ASIC2: variants seen among roughly 807,000 people sequenced by gnomAD.
The protein encoded by ASIC2 is acid sensing ion channel subunit 2, also known as acid-sensing ion channel 2.
In ASIC2, 25 loss-of-function variants were observed where a neutral mutation model predicts 57.3. That is an observed-to-expected ratio of 0.44 (90% CI 0.32 to 0.61). ASIC2 has a LOEUF of 0.61. ASIC2 is among the 20% of genes least tolerant of loss of function. The pLI is 0.06. For missense variants in ASIC2, 641 were observed against 738.1 expected, an observed-to-expected ratio of 0.87 and a Z score of 1.52; for synonymous variants, 319 against 307.5, an observed-to-expected ratio of 1.04 and a Z score of -0.39.
chr17:34,029,611 A>G (rs1402674258), intron 1 of ASIC2, among the ~76,000 whole-genome samples: 2 of 152,202 alleles, frequency 1.3e-5, no homozygotes, highest in African/African-American at 2.4e-5. Context: ...ATGAGGTCAT[A>G]CCAGTAAGGC....
chr17:33,056,616 G>T (rs1354300245), intron 3 of ASIC2, among the ~76,000 whole-genome samples: 1 of 152,140 alleles, frequency 6.6e-6, no homozygotes, highest in East Asian at 1.9e-4. Flanking sequence ...AGCCTAGGAC[G>T]CTCTATAAAG....
chr17:33,084,117 C>T (rs1473456607), intron 3 of ASIC2, among the ~76,000 whole-genome samples: 2 of 152,172 alleles, frequency 1.3e-5, no homozygotes, highest in Non-Finnish European at 2.9e-5. Context: ...TGCTGTCAGC[C>T]AAACTTCCTG....
At chr17:33,879,203 C>T (rs950583019) in intron 1 of ASIC2, among the ~76,000 whole-genome samples, 25 of 152,142 alleles carry the variant, frequency 1.6e-4, no homozygotes, top group African/African-American at 3.4e-4. Context: ...CATCAACTAA[C>T]GAGCAAAATA....
intron 1 of ASIC2, among the ~76,000 whole-genome samples, chr17:33,863,900 GTTT>G (rs1031021531): frequency 1.4e-5 from 1 of 72,494 alleles, no homozygotes; most frequent in Admixed American, 1.5e-4. Context: ...CTCTTTTTTT[GTTT>G]TTTTTTTTTT....
At chr17:33,725,649 T>A (rs1909526917) in intron 1 of ASIC2, among the ~76,000 whole-genome samples, 1 of 151,996 alleles carries the variant, frequency 6.6e-6, no homozygotes, top group Admixed American at 6.5e-5. Context: ...GATCCTACAT[T>A]CTTCTCTCTT....
chr17:33,195,298 C>A (rs1393615373), intron 1 of ASIC2, among the ~76,000 whole-genome samples: 1 of 152,084 alleles, frequency 6.6e-6, no homozygotes, highest in African/African-American at 2.4e-5. Context: ...TAGAATCATA[C>A]AGACTCAGGG....
At chr17:34,033,673 G>A (rs565463648) in intron 1 of ASIC2, among the ~76,000 whole-genome samples, 18 of 152,038 alleles carry the variant, frequency 1.2e-4, no homozygotes, top group Non-Finnish European at 2.4e-4. Flanking sequence ...AAAAAATGAT[G>A]AAGGGGCTAT....
At chr17:33,717,897 T>A (rs1363684009) in intron 1 of ASIC2, among the ~76,000 whole-genome samples, 5 of 152,242 alleles carry the variant, frequency 3.3e-5, no homozygotes, top group Admixed American at 3.3e-4. Context: ...ACAGTTATTA[T>A]TACATTATCA....
chr17:33,634,984 T>C (rs189416106), intron 1 of ASIC2: 7 of 152,328 alleles, frequency 4.6e-5, no homozygotes, highest in East Asian at 3.9e-4. Context: ...CAGAGGATTA[T>C]GGGGAATTTC....
intron 1 of ASIC2, among the ~76,000 whole-genome samples, chr17:33,575,202 C>A (rs999635932): frequency 1.3e-5 from 2 of 152,214 alleles, no homozygotes; most frequent in African/African-American, 4.8e-5. Flanking sequence ...ATGAGTGATT[C>A]ATCTCTGAAT....
At position 33,231,885 on chromosome 17, in the gene ASIC2, G is replaced by A. The variant is rs1315292113; in HGVS notation, c.708+59523C>T. On this transcript the variant is annotated intron_variant, in intron 1 of 9. Transcript: ENST00000225823. ...TGAGCAATGGGGAGGGGGTGAGCAG[G>A]GAGCCTGTCCTCTCCTTTATATTCA... is the stretch of plus-strand genomic sequence containing the variant. Among the ~76,000 whole-genome samples the A allele has an allele frequency of 2.6e-5, 4 of 152,208 alleles. No homozygotes were observed. The South Asian group carries it at 8.3e-4, about 32-fold the overall frequency.
At chr17:33,753,232 CTA>C (rs746189106) in intron 1 of ASIC2, among the ~76,000 whole-genome samples, 9 of 151,980 alleles carry the variant, frequency 5.9e-5, no homozygotes, top group Non-Finnish European at 8.8e-5. Context: ...ATGATTCCAG[CTA>C]TATGACATTC....
chr17:33,183,180 G>A (rs553772448), intron 1 of ASIC2, among the ~76,000 whole-genome samples: 1 of 152,194 alleles, frequency 6.6e-6, no homozygotes, highest in Non-Finnish European at 1.5e-5. Context: ...TCGAAAGTAA[G>A]TTCTAAAAGT....
intron 1 of ASIC2, among the ~76,000 whole-genome samples, chr17:33,806,049 A>G (rs1039940477): frequency 1.3e-5 from 2 of 152,122 alleles, no homozygotes; most frequent in African/African-American, 2.4e-5. Flanking sequence ...TCACTCACTC[A>G]TTCCCATGGG....
At chr17:34,116,211 C>T (rs769557056) in intron 1 of ASIC2, among the ~76,000 whole-genome samples, 2 of 152,196 alleles carry the variant, frequency 1.3e-5, no homozygotes, top group Non-Finnish European at 2.9e-5. Flanking sequence ...GTTGCATTGA[C>T]CTGAGTTTGA....
At chr17:33,672,540 C>T (rs1421467683) in intron 1 of ASIC2, among the ~76,000 whole-genome samples, 2 of 152,058 alleles carry the variant, frequency 1.3e-5, no homozygotes, top group Non-Finnish European at 2.9e-5. Flanking sequence ...TTTTTCTTAG[C>T]CTGCTGTGGC....
intron 1 of ASIC2, among the ~76,000 whole-genome samples, chr17:33,382,527 A>G (rs770762053): frequency 6.6e-6 from 1 of 152,164 alleles, no homozygotes; most frequent in Non-Finnish European, 1.5e-5. Flanking sequence ...TCAGCCCCAT[A>G]CTATGTGAAG....
chr17:33,519,214 A>G (rs1047541944), intron 1 of ASIC2, among the ~76,000 whole-genome samples: 2 of 152,194 alleles, frequency 1.3e-5, no homozygotes, highest in Non-Finnish European at 2.9e-5. Flanking sequence ...CACGGCTTGT[A>G]AGTGACTTGA....
intron 1 of ASIC2, among the ~76,000 whole-genome samples, chr17:33,862,684 T>C (rs1597906684): frequency 6.6e-6 from 1 of 152,200 alleles, no homozygotes; most frequent in East Asian, 1.9e-4. Flanking sequence ...ATGAGTGAAG[T>C]GGTGAATGAG....
Sources: allele counts gnomAD v4.1 joint callset (sites outside exome capture counted in the v4.1 genomes callset), GRCh38; gene constraint gnomAD v4.1.1; transcripts MANE v1.5; gene names NCBI Gene and HGNC (gene_info 2026-07-23, HGNC 2026-07-21).